ZNF236: variants seen among roughly 807,000 people sequenced by gnomAD.
ZNF236 encodes the protein zinc finger protein 236, also known as regulated by glucose.
Under a neutral mutation model 191.2 loss-of-function variants are expected in ZNF236, and 50 were observed. The observed-to-expected ratio is 0.26, with a 90% confidence interval of 0.21 to 0.33. The LOEUF (loss-of-function observed/expected upper bound fraction) is 0.33. Ranked by LOEUF, ZNF236 falls within the 10% of genes least tolerant of loss-of-function variation. The pLI, the probability that ZNF236 is intolerant of heterozygous loss-of-function variation, is 1.00. For synonymous variants in ZNF236, 907 were observed against 928.8 expected (o/e 0.98, Z 0.43); for missense variants, 1,754 against 2,374.5 (o/e 0.74, Z 5.43).
intron 1 of ZNF236, among the ~76,000 whole-genome samples, chr18:76,846,398 A>G (rs1975682118): frequency 6.6e-6 from 1 of 152,226 alleles, no homozygotes; most frequent in Admixed American, 6.5e-5. Context: ...AGCAGAAGGA[A>G]AGCAAGCGAA....
chr18:76,923,282 T>C, intron 21 of ZNF236, 108 bp downstream of exon 21: 1 of 716,538 alleles, frequency 1.4e-6, no homozygotes, highest in Non-Finnish European at 2.3e-6. Flanking sequence ...TATAGAACGC[T>C]TAAAAATGAG....
At chr18:76,866,870 A>G (rs1242764801) in intron 3 of ZNF236, among the ~76,000 whole-genome samples, 1 of 152,028 alleles carries the variant, frequency 6.6e-6, no homozygotes, top group Non-Finnish European at 1.5e-5. Flanking sequence ...GCAGGAGAGA[A>G]AGCAGAAAGA....
chr18:76,959,971 A>G (rs767888313), intron 29 of ZNF236, among the ~76,000 whole-genome samples, 155 bp downstream of exon 29: 8 of 152,166 alleles, frequency 5.3e-5, no homozygotes, highest in Non-Finnish European at 8.8e-5. Flanking sequence ...GTTTTGACCT[A>G]TTTATTGTCA....
intron 6 of ZNF236, among the ~76,000 whole-genome samples, chr18:76,876,766 A>G (rs1330769155): frequency 6.6e-6 from 1 of 152,190 alleles, no homozygotes; most frequent in Non-Finnish European, 1.5e-5. Context: ...ATGATTGCAT[A>G]GGAAGGATCG....
chr18:76,870,206 CT>C (rs1490365490), intron 4 of ZNF236, among the ~76,000 whole-genome samples: 1 of 152,156 alleles, frequency 6.6e-6, no homozygotes, highest in Non-Finnish European at 1.5e-5. Context: ...TGTCTCCTGT[CT>C]TTTTCATTTT....
chr18:76,912,904 C>T (rs1214030314), intron 17 of ZNF236, among the ~76,000 whole-genome samples: 1 of 152,214 alleles, frequency 6.6e-6, no homozygotes, highest in African/African-American at 2.4e-5. Flanking sequence ...CCACCTGCAT[C>T]GGCCTCCCAA....
At chr18:76,881,617 T>C in intron 9 of ZNF236, 105 bp downstream of exon 9, 1 of 1,010,102 alleles carries the variant, frequency 9.9e-7, no homozygotes, top group Non-Finnish European at 1.4e-6. Context: ...GATATGTTTG[T>C]TGAATGTTTT....
At chr18:76,869,064 G>T (rs937723272) in intron 4 of ZNF236, among the ~76,000 whole-genome samples, 10 of 152,226 alleles carry the variant, frequency 6.6e-5, no homozygotes, top group African/African-American at 2.2e-4. Context: ...TATGTGAGTA[G>T]AAGTGTTTAC....
intron 26 of ZNF236, among the ~76,000 whole-genome samples, chr18:76,939,481 C>T (rs551521627): frequency 3.6e-4 from 55 of 152,142 alleles, no homozygotes; most frequent in Non-Finnish European, 6.2e-4. Flanking sequence ...TATCTCAGGG[C>T]CTAGTGAAGC....
intron 9 of ZNF236, among the ~76,000 whole-genome samples, chr18:76,891,150 C>T (rs976709970): frequency 2.0e-5 from 3 of 152,136 alleles, no homozygotes; most frequent in South Asian, 4.1e-4. Flanking sequence ...TTAACTGCAT[C>T]GGGGTCAGTG....
intron 27 of ZNF236, 140 bp from the exon 28 acceptor site, chr18:76,955,845 T>G: frequency 1.1e-6 from 1 of 933,624 alleles, no homozygotes; most frequent in Non-Finnish European, 1.7e-6. Flanking sequence ...GGCTAAATTA[T>G]CCTGATGATA....
At position 76,871,652 on chromosome 18, in the gene ZNF236, T is replaced by C. The variant is rs776300687; in HGVS notation, c.543-49T>C. The C allele has an allele frequency of 5.0e-6, 8 of 1,609,222 alleles. No individual in the cohort carries two copies. In the East Asian group the frequency reaches 1.8e-4, roughly 36 times the overall value. ...TAGGATTTTCATTTTGAAATTATGG[T>C]ACAAGGGAGACATCTTACTGTGTAT... On this transcript the variant is annotated intron_variant, in intron 4 of 30. Coordinates refer to ENST00000320610, the MANE Select transcript of ZNF236 (RefSeq NM_001306089.2).
chr18:76,952,141 G>A (rs751280777), intron 27 of ZNF236, among the ~76,000 whole-genome samples: 20 of 151,986 alleles, frequency 1.3e-4, no homozygotes, highest in East Asian at 1.9e-4. Flanking sequence ...AGCATGTGCC[G>A]TTGGAAAAAT....
intron 1 of ZNF236, among the ~76,000 whole-genome samples, chr18:76,825,076 C>T (rs905965147): frequency 3.3e-5 from 5 of 152,208 alleles, no homozygotes; most frequent in African/African-American, 1.2e-4. Flanking sequence ...TTCTCTCTTT[C>T]CTTGCTCTGG....
chr18:76,851,010 T>A (rs1272801389), intron 2 of ZNF236, among the ~76,000 whole-genome samples: 1 of 149,768 alleles, frequency 6.7e-6, no homozygotes, highest in Non-Finnish European at 1.5e-5. Context: ...AATGAATTTA[T>A]ACGCAGCTTT....
intron 1 of ZNF236, among the ~76,000 whole-genome samples, chr18:76,845,103 G>A (rs571094061): frequency 6.6e-6 from 1 of 152,168 alleles, no homozygotes; most frequent in Non-Finnish European, 1.5e-5. Flanking sequence ...GAATATTTAT[G>A]TAAAGCCTTA....
chr18:76,863,576 C>T (rs1274372596), intron 3 of ZNF236, among the ~76,000 whole-genome samples: 2 of 151,640 alleles, frequency 1.3e-5, no homozygotes, highest in Non-Finnish European at 2.9e-5. Flanking sequence ...TTGTCAATTA[C>T]AAATTATTCT....
At chr18:76,884,140 G>A (rs546321261) in intron 9 of ZNF236, among the ~76,000 whole-genome samples, 7 of 152,246 alleles carry the variant, frequency 4.6e-5, no homozygotes, top group African/African-American at 1.7e-4. Context: ...AGTGGCTCGT[G>A]CCTGTAATCC....
At chr18:76,855,160 G>A (rs1976007039) in intron 3 of ZNF236, among the ~76,000 whole-genome samples, 2 of 152,230 alleles carry the variant, frequency 1.3e-5, no homozygotes, top group African/African-American at 4.8e-5. Context: ...CTGACCTCGA[G>A]TGATCTGCCC....
Sources: allele counts gnomAD v4.1 joint callset (sites outside exome capture counted in the v4.1 genomes callset), GRCh38; gene constraint gnomAD v4.1.1; transcripts MANE v1.5; gene names NCBI Gene and HGNC (gene_info 2026-07-23, HGNC 2026-07-21).